Variants in G3BP1 observed in about 807,000 individuals in gnomAD.
The protein encoded by G3BP1 is ras GTPase-activating protein-binding protein 1.
In G3BP1, 35 loss-of-function variants were observed where a neutral mutation model predicts 58.6. The ratio of observed to expected loss-of-function variants is 0.60; its 90% CI spans 0.46 to 0.79. G3BP1 has a LOEUF of 0.79. G3BP1 is among the 30% of genes least tolerant of loss of function. The probability of loss-of-function intolerance (pLI) is 0.00; values close to 1 mark genes in which losing one functional copy is unlikely to be tolerated. For missense variants in G3BP1, 523 were observed against 580.8 expected, an observed-to-expected ratio of 0.90 and a Z score of 1.02; for synonymous variants, 191 against 195.4, an observed-to-expected ratio of 0.98 and a Z score of 0.19.
At chr5:151,803,826 T>C (rs939372999) in intron 11 of G3BP1, 59 bp from the exon 12 acceptor site, 54 of 1,156,230 alleles carry the variant, frequency 4.7e-5, no homozygotes, top group Non-Finnish European at 6.8e-5. Flanking sequence ...TTTCTTTATC[T>C]TTGATAGTGA....
At chr5:151,791,965 C>T in intron 4 of G3BP1, 1 of 389,334 alleles carries the variant, frequency 2.6e-6, no homozygotes, top group African/African-American at 2.1e-5. Context: ...TATTTTTTCT[C>T]TTTTTGATTT....
chr5:151,790,391 T>G lies in G3BP1; in HGVS notation c.164T>G (p.Val55Gly). 2 of 1,575,136 alleles carry G rather than the reference T, an allele frequency of 1.3e-6. No homozygotes were observed. Among genetic ancestry groups the G allele is most frequent in the Non-Finnish European group, 1.7e-6 (2 of 1,157,812 alleles). ...TCAAATGGAAAGCCAGCAGATGCAG[T>G]CTACGGACAGAAAGTAAGCATTTCA... Reference protein sequence around the residue: ...LDSNGKPADAVYGQKEIHRKV... With the variant: ...LDSNGKPADAGYGQKEIHRKV... Residue 55 changes from valine (V) to glycine (G), a missense_variant, in exon 3 of 12, where the codon GTC (valine) becomes GGC (glycine). By Grantham distance (109) the Val-to-Gly change is moderately radical. Coordinates refer to ENST00000356245, the MANE Select transcript of G3BP1 (RefSeq NM_005754.3).
chr5:151,804,162 G>C lies in G3BP1; in HGVS notation c.*71G>C, dbSNP rs1184718517. On this transcript the variant is annotated 3_prime_UTR_variant, in exon 12 of 12. Coordinates refer to ENST00000356245, the MANE Select transcript of G3BP1 (RefSeq NM_005754.3). ...GAATGGTGAATTTTCGACAGCCTTT[G>C]GTATCTTGGAGTATGACCCCAGTCT... 2 of 1,161,426 alleles carry C rather than the reference G, an allele frequency of 1.7e-6. No individual in the cohort carries two copies. Among genetic ancestry groups the C allele is most frequent in the Non-Finnish European group, 2.5e-6 (2 of 806,062 alleles). 71.9% of individuals were successfully genotyped at this position (1,161,426 alleles called of 1,614,324 possible).
intron 4 of G3BP1, 162 bp downstream of exon 4, chr5:151,791,224 C>T (rs1762646836): frequency 1.7e-6 from 1 of 579,490 alleles, no homozygotes; most frequent in Non-Finnish European, 3.1e-6. Flanking sequence ...GCAGCTGTCA[C>T]CACTTGCCCA....
At chr5:151,776,152 C>T (rs1179244791) in intron 1 of G3BP1, among the ~76,000 whole-genome samples, 1 of 152,166 alleles carries the variant, frequency 6.6e-6, no homozygotes, top group Non-Finnish European at 1.5e-5. Flanking sequence ...GTGACCATGA[C>T]ACTTGATCTC....
chr5:151,793,848 A>AG (rs1357929808), intron 4 of G3BP1, among the ~76,000 whole-genome samples: 1 of 151,590 alleles, frequency 6.6e-6, no homozygotes, highest in Non-Finnish European at 1.5e-5. Context: ...AAAAAAAAAA[A>AG]AAAGAAAAAA....
At chr5:151,775,763 T>C (rs1762359516) in intron 1 of G3BP1, among the ~76,000 whole-genome samples, 1 of 152,254 alleles carries the variant, frequency 6.6e-6, no homozygotes, top group South Asian at 2.1e-4. Context: ...TTTTTTTAAA[T>C]TGTGAACCTG....
In G3BP1 at chr5:151,804,275, T is replaced by G. The variant is rs1762907101; in HGVS notation, c.*184T>G. The G allele has an allele frequency of 2.5e-6, 1 of 407,328 alleles. No homozygotes were observed. Among genetic ancestry groups the G allele is most frequent in the Non-Finnish European group, 4.3e-6 (1 of 231,150 alleles). The allele number at this position is 407,328 out of a possible 1,614,324, so 25.2% of individuals were successfully genotyped here. A position where few individuals can be genotyped will look rare whatever the true frequency, so the allele number is the denominator to read the frequency against. ...TCTCCCTCTCTTCCCTTTCCTGACCTTTAGTCTTTCACTTCCAATTTTGTG... is the reference window on the plus strand; with the variant it reads ...TCTCCCTCTCTTCCCTTTCCTGACCGTTAGTCTTTCACTTCCAATTTTGTG... On this transcript the variant is annotated 3_prime_UTR_variant, in exon 12 of 12. Transcript: ENST00000356245.
chr5:151,778,773 T>A (rs1350041305), intron 1 of G3BP1, among the ~76,000 whole-genome samples: 2 of 148,114 alleles, frequency 1.4e-5, no homozygotes, highest in Admixed American at 1.3e-4. Flanking sequence ...ATTAGAGATA[T>A]GGGTCAGGCG....
chr5:151,798,967 AAAAGT>A (rs773069940), intron 7 of G3BP1, among the ~76,000 whole-genome samples: 5 of 152,186 alleles, frequency 3.3e-5, no homozygotes, highest in Non-Finnish European at 7.3e-5. Context: ...TCTCAAAAAA[AAAAGT>A]GAGTAGTTTC....
Position 151,794,211 on chromosome 5 carries a change from A to G in G3BP1, c.404A>G (p.Asp135Gly), listed in dbSNP as rs1762708772. The change falls in exon 5 of 12, where the codon GAT becomes GGT. Residue 135 changes from aspartate to glycine, a missense_variant. Physicochemically the swap from Asp to Gly is moderately conservative, Grantham distance 94 (BLOSUM62 -1). Transcript: ENST00000356245. ...YVHNDIFRYQ[D>G]EVFGGFVTEP... ...CACAATGATATCTTCAGATACCAAG[A>G]TGAGGTCTTTGGTGGGTTTGTCACT... 1 of 1,610,608 alleles carries G rather than the reference A, an allele frequency of 6.2e-7. No individual in the cohort carries two copies. The highest frequency in any genetic ancestry group is 8.5e-7 in the Non-Finnish European group (1 of 1,177,004).
At chr5:151,780,703 C>T (rs373146217) in intron 1 of G3BP1, among the ~76,000 whole-genome samples, 3 of 152,222 alleles carry the variant, frequency 2.0e-5, no homozygotes, top group East Asian at 3.9e-4. Flanking sequence ...TTAGTAGAGA[C>T]GGGGTTTTAC....
rs750698487 is a variant in G3BP1 at position 151,811,305 on chromosome 5, A to G, written c.*7214A>G. On this transcript the variant is annotated 3_prime_UTR_variant, in exon 12 of 12. Coordinates refer to ENST00000356245, the MANE Select transcript of G3BP1 (RefSeq NM_005754.3). ...TATGGGCAGGATCTGTGTCTGAGTCATCTTTGTATCTTGCCTAGCACCTAT... is the reference window on the plus strand; with the variant it reads ...TATGGGCAGGATCTGTGTCTGAGTCGTCTTTGTATCTTGCCTAGCACCTAT... 2 of 152,232 alleles carry G rather than the reference A, an allele frequency of 1.3e-5. No homozygotes were observed. Among genetic ancestry groups the G allele is most frequent in the Non-Finnish European group, 2.9e-5 (2 of 68,042 alleles). 9.4% of individuals were successfully genotyped at this position (152,232 alleles called of 1,614,324 possible).
In G3BP1 at chr5:151,778,401, T is replaced by C. The variant is rs1308297079; in HGVS notation, c.-50+6365T>C. On this transcript the variant is annotated intron_variant, in intron 1 of 11. Transcript: ENST00000356245. ...TATAATTTCTTTGGCGAAATATCTT[T>C]AAGTCTTTTGCTCATATTTTATGGG... Among the ~76,000 whole-genome samples, 4 of 152,230 alleles carry C rather than the reference T, an allele frequency of 2.6e-5. No homozygotes were observed. In the East Asian group the frequency reaches 7.7e-4, roughly 29 times the overall value.
chr5:151,785,584 T>A (rs1375290396), intron 1 of G3BP1, among the ~76,000 whole-genome samples: 1 of 152,216 alleles, frequency 6.6e-6, no homozygotes, highest in Non-Finnish European at 1.5e-5. Context: ...CATTGCAGGT[T>A]TTTTATTCAG....
Position 151,809,558 on chromosome 5 carries a change from AC to A in G3BP1, c.*5469del, listed in dbSNP as rs1762985283. 6.6e-6 allele frequency: 1 copy of A among 152,190 alleles called. No homozygotes were observed. Among genetic ancestry groups the A allele is most frequent in the Non-Finnish European group, 1.5e-5 (1 of 68,044 alleles). The allele number at this position is 152,190 out of a possible 1,614,324, so 9.4% of individuals were successfully genotyped here. ...ATTTTTTTCTTCTATTTTGGTTATT[AC>A]CAAAAGGAACAGAGAAACTCTCAGA... is the stretch of plus-strand genomic sequence containing the variant. On this transcript the variant is annotated 3_prime_UTR_variant, in exon 12 of 12. Coordinates refer to ENST00000356245, the MANE Select transcript of G3BP1 (RefSeq NM_005754.3).
At chr5:151,784,205 C>T (rs894341388) in intron 1 of G3BP1, among the ~76,000 whole-genome samples, 2 of 152,184 alleles carry the variant, frequency 1.3e-5, no homozygotes, top group African/African-American at 2.4e-5. Context: ...TAGCATTCCT[C>T]GTGCCCCAGC....
At position 151,812,693 on chromosome 5, in the gene G3BP1, C is replaced by CT. The variant is rs1187652706; in HGVS notation, c.*8603dup. 3 of 152,212 alleles carry CT rather than the reference C, an allele frequency of 2.0e-5. No homozygotes were observed. Among genetic ancestry groups the CT allele is most frequent in the Non-Finnish European group, 4.4e-5 (3 of 68,036 alleles). The allele number at this position is 152,212 out of a possible 1,614,324, so 9.4% of individuals were successfully genotyped here. A position where few individuals can be genotyped will look rare whatever the true frequency, so the allele number is the denominator to read the frequency against. On this transcript the variant is annotated 3_prime_UTR_variant, in exon 12 of 12. Coordinates refer to ENST00000356245, the MANE Select transcript of G3BP1 (RefSeq NM_005754.3). Reference sequence around the variant, plus strand: ...GAGTCAAAATGAAAGGTTGCTAAATCTAAGATCGAGTGTATAAATAAAATA... The same window carrying CT: ...GAGTCAAAATGAAAGGTTGCTAAATCTTAAGATCGAGTGTATAAATAAAATA...
chr5:151,772,185 G>A (rs1426086770), intron 1 of G3BP1, 149 bp downstream of exon 1: 1 of 141,466 alleles, frequency 7.1e-6, no homozygotes, highest in African/African-American at 2.5e-5. Flanking sequence ...GCAGGCGCGC[G>A]CGGCGGACGG....
Sources: gnomAD v4.1 joint callset for allele counts (sites outside exome capture counted in the v4.1 genomes callset) on GRCh38, gnomAD v4.1.1 for gene constraint, MANE v1.5 for transcripts, NCBI Gene and HGNC (gene_info 2026-07-23, HGNC 2026-07-21) for gene names.